The following CDK5RAP2 variants were observed in gnomAD, a reference collection of about 807,000 sequenced individuals.
CDK5RAP2 encodes the protein CDK5 regulatory subunit-associated protein 2.
In CDK5RAP2, 147 loss-of-function variants were observed where a neutral mutation model predicts 232.9. That is an observed-to-expected ratio of 0.63 (90% CI 0.55 to 0.72). The LOEUF (loss-of-function observed/expected upper bound fraction) is 0.72, where lower values mean the gene tolerates loss of function less well. Ranked by LOEUF, CDK5RAP2 falls within the 30% of genes least tolerant of loss-of-function variation. The pLI is 0.00. For synonymous variants in CDK5RAP2, 833 were observed against 833.7 expected (o/e 1.00, Z 0.01); for missense variants, 2,195 against 2,231.5 (o/e 0.98, Z 0.33).
chr9:120,475,409 T>C (rs1336295451), intron 15 of CDK5RAP2, among the ~76,000 whole-genome samples: 1 of 152,158 alleles, frequency 6.6e-6, no homozygotes, highest in East Asian at 1.9e-4. Flanking sequence ...CCTGTGAAAC[T>C]TGGGAGCCCC....
chr9:120,414,887 A>G (rs77172520), intron 28 of CDK5RAP2, among the ~76,000 whole-genome samples, 153 bp downstream of exon 28: 1 of 152,350 alleles, frequency 6.6e-6, no homozygotes, highest in Middle Eastern at 3.4e-3. Context: ...TGCCAGTCAC[A>G]ATTCAGGATG....
chr9:120,538,019 AG>A (rs1564354779), intron 6 of CDK5RAP2, among the ~76,000 whole-genome samples: 2 of 152,254 alleles, frequency 1.3e-5, no homozygotes, highest in African/African-American at 4.8e-5. Context: ...CAAATGAACC[AG>A]TAAGTTAGAT....
rs1564173967 is a variant in CDK5RAP2, at chr9:120,404,028, C to T, written c.5041+8G>A. ...GCTCCCACAGTTACCTGGACTTCAGCTTTGTACCTGATTTTGGTGTCACTG... is the reference window on the plus strand; with the variant it reads ...GCTCCCACAGTTACCTGGACTTCAGTTTTGTACCTGATTTTGGTGTCACTG... On this transcript the variant is annotated splice_region_variant and intron_variant, in intron 33 of 37. Coordinates refer to ENST00000349780, the MANE Select transcript of CDK5RAP2 (RefSeq NM_018249.6). 1 of 1,596,480 alleles carries T rather than the reference C, an allele frequency of 6.3e-7. No individual in the cohort carries two copies. The highest frequency in any genetic ancestry group is 1.7e-5 in the Admixed American group (1 of 60,014).
At chr9:120,543,809 G>A (rs528857128) in intron 5 of CDK5RAP2, among the ~76,000 whole-genome samples, 6 of 152,162 alleles carry the variant, frequency 3.9e-5, no homozygotes, top group Non-Finnish European at 7.3e-5. Flanking sequence ...AGTGAGCCGA[G>A]ATCATGCCAC....
At chr9:120,453,963 T>G in intron 20 of CDK5RAP2, 90 bp from the exon 21 acceptor site, 1 of 1,307,412 alleles carries the variant, frequency 7.6e-7, no homozygotes, top group South Asian at 1.2e-5. Flanking sequence ...CCCCACCTAC[T>G]GTTGCCCAGA....
intron 14 of CDK5RAP2, 94 bp from the exon 15 acceptor site, chr9:120,477,544 T>C: frequency 2.0e-6 from 2 of 1,014,350 alleles, no homozygotes; most frequent in South Asian, 2.6e-5. Flanking sequence ...TCCCAGTTTT[T>C]AAAATCAAAC....
intron 1 of CDK5RAP2, among the ~76,000 whole-genome samples, chr9:120,572,710 ATC>A (rs1021816901): frequency 1.3e-5 from 2 of 152,224 alleles, no homozygotes; most frequent in African/African-American, 4.8e-5. Context: ...TCTGCCATGT[ATC>A]TCTCTGAGCC....
At chr9:120,527,007 C>A (rs2040928683) in intron 10 of CDK5RAP2, among the ~76,000 whole-genome samples, 1 of 151,514 alleles carries the variant, frequency 6.6e-6, no homozygotes. Context: ...GATCAGGTCC[C>A]CTTCCCTCTG....
intron 3 of CDK5RAP2, among the ~76,000 whole-genome samples, chr9:120,554,788 C>T (rs1358210158): frequency 6.6e-6 from 1 of 152,118 alleles, no homozygotes; most frequent in Non-Finnish European, 1.5e-5. Context: ...CATGTGCCAC[C>T]ATGCCCGGCT....
chr9:120,509,784 G>C (rs114409800), intron 12 of CDK5RAP2, among the ~76,000 whole-genome samples: 2 of 152,134 alleles, frequency 1.3e-5, no homozygotes, highest in Non-Finnish European at 2.9e-5. Flanking sequence ...ACTATGGTTC[G>C]AAGAGGCAAA....
At chr9:120,405,406 C>T (rs2033363650) in intron 32 of CDK5RAP2, among the ~76,000 whole-genome samples, 1 of 152,174 alleles carries the variant, frequency 6.6e-6, no homozygotes, top group Admixed American at 6.5e-5. Context: ...ATTTCAAAAG[C>T]AGGTAAAGGC....
intron 21 of CDK5RAP2, among the ~76,000 whole-genome samples, chr9:120,452,598 C>G (rs1363089314): frequency 1.3e-5 from 2 of 151,430 alleles, no homozygotes; most frequent in African/African-American, 2.4e-5. Flanking sequence ...GTGGGGGGGT[C>G]AAGCCGTGAC....
intron 1 of CDK5RAP2, among the ~76,000 whole-genome samples, chr9:120,579,474 T>C (rs1416857424): frequency 1.3e-5 from 2 of 152,160 alleles, no homozygotes; most frequent in African/African-American, 4.8e-5. Context: ...TTGCACTCCA[T>C]TGCCTCCTGG....
intron 5 of CDK5RAP2, among the ~76,000 whole-genome samples, chr9:120,545,456 C>T (rs951190192): frequency 6.6e-6 from 1 of 152,180 alleles, no homozygotes; most frequent in Non-Finnish European, 1.5e-5. Flanking sequence ...GTTCTGTTTC[C>T]TGATCTGGAT....
In CDK5RAP2 at chr9:120,407,004, G is replaced by A; in HGVS notation, c.4963+8C>T. The A allele has an allele frequency of 1.3e-6, 2 of 1,597,574 alleles. No homozygotes were observed. Among genetic ancestry groups the A allele is most frequent in the Non-Finnish European group, 1.7e-6 (2 of 1,164,968 alleles). On this transcript the variant is annotated splice_region_variant and intron_variant, in intron 32 of 37. Transcript: ENST00000349780. ...TTCTCAGCAAGTGGGGAGAGGCAGGGGCAGTACCGTGTTTGTCAGGCTGAA... is the reference window on the plus strand; with the variant it reads ...TTCTCAGCAAGTGGGGAGAGGCAGGAGCAGTACCGTGTTTGTCAGGCTGAA...
chr9:120,488,583 A>G (rs2038732815), intron 13 of CDK5RAP2, among the ~76,000 whole-genome samples: 2 of 152,142 alleles, frequency 1.3e-5, no homozygotes, highest in African/African-American at 4.8e-5. Flanking sequence ...TTACATTCCT[A>G]TTCTTACATG....
intron 4 of CDK5RAP2, among the ~76,000 whole-genome samples, chr9:120,549,276 C>T (rs1021523229): frequency 6.6e-6 from 1 of 152,180 alleles, no homozygotes; most frequent in African/African-American, 2.4e-5. Flanking sequence ...CACAAACACA[C>T]GCTTGCTTAT....
At chr9:120,420,286 TA>T (rs1426033127) in intron 26 of CDK5RAP2, among the ~76,000 whole-genome samples, 6 of 152,298 alleles carry the variant, frequency 3.9e-5, no homozygotes, top group African/African-American at 1.4e-4. Flanking sequence ...TTTGAGATTT[TA>T]GTTGGGCCTC....
At position 120,448,008 on chromosome 9, in the gene CDK5RAP2, A is replaced by C. The variant is rs1277379024; in HGVS notation, c.2912T>G (p.Leu971Arg). 2 of 1,614,168 alleles carry C rather than the reference A, an allele frequency of 1.2e-6. No homozygotes were observed. The change falls in exon 22 of 38, where the codon CTG (leucine) becomes CGG (arginine). Residue 971 changes from leucine to arginine, a missense_variant. By Grantham distance (102) the Leu-to-Arg change is moderately radical. Coordinates refer to ENST00000349780, the MANE Select transcript of CDK5RAP2 (RefSeq NM_018249.6). ...TTTAAACTCCTTCAGCTCCCCCTGC[A>C]GCTCCAAGATCTGGCTCTGCAGCTG... is the stretch of plus-strand genomic sequence containing the variant. ...VTQLQSQILE[L>R]QGELKEFKTC...
Sources: allele counts gnomAD v4.1 joint callset (sites outside exome capture counted in the v4.1 genomes callset), GRCh38; gene constraint gnomAD v4.1.1; transcripts MANE v1.5; gene names NCBI Gene and HGNC (gene_info 2026-07-23, HGNC 2026-07-21).